The following NCAM1 variants were observed in gnomAD, a reference collection of about 807,000 sequenced individuals.
NCAM1 encodes antigen recognized by monoclonal antibody 5.1H11.
A neutral mutation model predicts 109.8 loss-of-function variants in NCAM1; 14 were observed. The observed-to-expected ratio is 0.13, with a 90% CI of 0.08 to 0.20. NCAM1 has a LOEUF of 0.20. NCAM1 is among the 10% of genes least tolerant of loss of function. The probability of loss-of-function intolerance (pLI) is 1.00; values close to 1 mark genes in which losing one functional copy is unlikely to be tolerated. For synonymous variants in NCAM1, 418 were observed against 442.9 expected, an observed-to-expected ratio of 0.94 and a Z score of 0.70; for missense variants, 774 against 1,109.9, an observed-to-expected ratio of 0.70 and a Z score of 4.30.
intron 1 of NCAM1, among the ~76,000 whole-genome samples, chr11:113,157,793 CA>C (rs1344237812): frequency 1.3e-5 from 2 of 151,758 alleles, no homozygotes; most frequent in Non-Finnish European, 2.9e-5. Context: ...TTTATTTTTG[CA>C]AATTATTTTA....
At position 113,044,866 on chromosome 11, in the gene NCAM1, G is replaced by A. The variant is rs1366431415; in HGVS notation, c.52+83202G>A. 2.0e-5 allele frequency among the ~76,000 whole-genome samples: 3 copies of A among 151,976 alleles called. No individual in the cohort carries two copies. In the East Asian group the frequency reaches 5.9e-4, roughly 30 times the overall value. ...CCTCGCAGGTTCACGCCATTCTCCT[G>A]CCTCAGCCTCCCGAGTAGCTGGGAC... On this transcript the variant is annotated intron_variant, in intron 1 of 19. Transcript: ENST00000316851.
chr11:113,064,334 A>G (rs1937838077), intron 1 of NCAM1, among the ~76,000 whole-genome samples: 1 of 152,196 alleles, frequency 6.6e-6, no homozygotes, highest in African/African-American at 2.4e-5. Flanking sequence ...ATGACTAGTA[A>G]AATTATGACT....
rs1172286897 is a variant in NCAM1, at chr11:113,048,820, T to A, written c.52+87156T>A. 3.9e-5 allele frequency among the ~76,000 whole-genome samples: 6 copies of A among 152,312 alleles called. No homozygotes were observed. The South Asian group carries it at 6.2e-4, about 16-fold the overall frequency. On this transcript the variant is annotated intron_variant, in intron 1 of 19. Coordinates refer to ENST00000316851, the MANE Select transcript of NCAM1 (RefSeq NM_181351.5). ...GAGATAATGTAAAGCTTCTATCACT[T>A]AGGTATGTCTGAGGGAAAGGGATAG...
chr11:112,996,805 T>C (rs1397765718), intron 1 of NCAM1, among the ~76,000 whole-genome samples: 1 of 152,138 alleles, frequency 6.6e-6, no homozygotes, highest in East Asian at 1.9e-4. Context: ...ATGGAAAAAG[T>C]TGGAATGCAG....
intron 8 of NCAM1, among the ~76,000 whole-genome samples, chr11:113,218,818 A>G (rs1944603543): frequency 6.6e-6 from 1 of 152,258 alleles, no homozygotes; most frequent in South Asian, 2.1e-4. Flanking sequence ...TTACTATTAC[A>G]TTGACCAAAA....
chr11:113,205,966 A>G lies in NCAM1; in HGVS notation c.491-77A>G, dbSNP rs976449844. 16 of 1,559,432 alleles carry G rather than the reference A, an allele frequency of 1.0e-5. No individual in the cohort carries two copies. In the African/African-American group the frequency reaches 2.0e-4, roughly 20 times the overall value. On this transcript the variant is annotated intron_variant, in intron 4 of 19. Coordinates refer to ENST00000316851, the MANE Select transcript of NCAM1 (RefSeq NM_181351.5). ...CCCTATGATACTGAAGTTAGGAAAAAGGAAAGAGACTCAGCCACCTGCCTG... is the reference window on the plus strand; with the variant it reads ...CCCTATGATACTGAAGTTAGGAAAAGGGAAAGAGACTCAGCCACCTGCCTG...
At chr11:113,137,081 A>C (rs1555099625) in intron 1 of NCAM1, among the ~76,000 whole-genome samples, 1 of 152,252 alleles carries the variant, frequency 6.6e-6, no homozygotes, top group African/African-American at 2.4e-5. Flanking sequence ...TATGGGATAC[A>C]GAGTAGCTTA....
At chr11:113,257,740 T>C (rs1056425240) in intron 16 of NCAM1, among the ~76,000 whole-genome samples, 6 of 152,248 alleles carry the variant, frequency 3.9e-5, no homozygotes, top group Non-Finnish European at 4.4e-5. Flanking sequence ...TATGAATAAG[T>C]ATAATATAAC....
intron 1 of NCAM1, among the ~76,000 whole-genome samples, chr11:112,984,128 G>C (rs1951230227): frequency 6.6e-6 from 1 of 151,818 alleles, no homozygotes; most frequent in Non-Finnish European, 1.5e-5. Flanking sequence ...GTTTGTTTTA[G>C]AATCCACATA....
At chr11:113,258,294 T>C (rs1318449604) in intron 16 of NCAM1, among the ~76,000 whole-genome samples, 1 of 149,828 alleles carries the variant, frequency 6.7e-6, no homozygotes, top group South Asian at 2.1e-4. Context: ...ACAAACTGTT[T>C]GGTGAGGGAG....
At chr11:113,160,855 T>G (rs1942577992) in intron 1 of NCAM1, among the ~76,000 whole-genome samples, 1 of 152,200 alleles carries the variant, frequency 6.6e-6, no homozygotes. Flanking sequence ...GCCCAGGGAA[T>G]TTTTACAAGG....
At chr11:113,105,961 T>A (rs782477927) in intron 1 of NCAM1, among the ~76,000 whole-genome samples, 4 of 152,220 alleles carry the variant, frequency 2.6e-5, no homozygotes, top group Non-Finnish European at 4.4e-5. Context: ...AAAAATTATG[T>A]TAATATCGTT....
intron 4 of NCAM1, 112 bp downstream of exon 4, chr11:113,205,778 C>T: frequency 4.2e-6 from 6 of 1,412,746 alleles, no homozygotes; most frequent in Non-Finnish European, 4.8e-6. Context: ...TGTGCCCGAA[C>T]CCTCATGTGG....
chr11:113,159,500 G>C (rs1233031437), intron 1 of NCAM1, among the ~76,000 whole-genome samples: 4 of 152,050 alleles, frequency 2.6e-5, no homozygotes, highest in African/African-American at 4.8e-5. Context: ...TGCATAGCTG[G>C]GTGAAACTTA....
intron 1 of NCAM1, chr11:113,041,042 T>C (rs1173458581): frequency 2.0e-5 from 3 of 152,216 alleles, no homozygotes; most frequent in African/African-American, 7.2e-5. Context: ...TTTCCATAAA[T>C]TTATTCTAAA....
intron 1 of NCAM1, among the ~76,000 whole-genome samples, chr11:113,169,104 T>C (rs1333041678): frequency 7.3e-5 from 11 of 151,678 alleles, no homozygotes; most frequent in Admixed American, 7.2e-4. Context: ...TTTGCACATC[T>C]CCAAATTGCT....
In NCAM1 at chr11:113,277,915, T is replaced by C. The variant is rs1371284856; in HGVS notation, c.*2528T>C. On this transcript the variant is annotated 3_prime_UTR_variant, in exon 20 of 20. Coordinates refer to ENST00000316851, the MANE Select transcript of NCAM1 (RefSeq NM_181351.5). The stretch of plus-strand genomic sequence containing the variant: ...TAAAATCAAAGAGGGAGTCATTTTA[T>C]TCCAAGATGTTTTATCTTTTATGTT... 1 of 151,426 alleles carries C rather than the reference T, an allele frequency of 6.6e-6. No homozygotes were observed. The highest frequency in any genetic ancestry group is 1.5e-5 in the Non-Finnish European group (1 of 68,070). The allele number at this position is 151,426 out of a possible 1,614,324, so 9.4% of individuals were successfully genotyped here. A position where few individuals can be genotyped will look rare whatever the true frequency, so the allele number is the denominator to read the frequency against.
At chr11:113,058,531 G>A (rs1241011107) in intron 1 of NCAM1, among the ~76,000 whole-genome samples, 1 of 152,152 alleles carries the variant, frequency 6.6e-6, no homozygotes, top group Non-Finnish European at 1.5e-5. Context: ...CTGCATGCCT[G>A]TATTTATAGA....
intron 1 of NCAM1, among the ~76,000 whole-genome samples, chr11:113,101,539 G>T (rs1024537692): frequency 8.5e-5 from 13 of 152,070 alleles, no homozygotes; most frequent in Non-Finnish European, 1.9e-4. Context: ...ACTTTCTCCT[G>T]TTTTTCCCCC....
Sources: gnomAD v4.1 joint callset for allele counts (sites outside exome capture counted in the v4.1 genomes callset) on GRCh38, gnomAD v4.1.1 for gene constraint, MANE v1.5 for transcripts, NCBI Gene and HGNC (gene_info 2026-07-23, HGNC 2026-07-21) for gene names.